The following FHIT variants were observed in gnomAD, a reference collection of about 807,000 sequenced individuals.
FHIT encodes the protein bis(5'-adenosyl)-triphosphatase.
FHIT carries 19 observed loss-of-function variants against 17.9 expected under a neutral mutation model. That is an observed-to-expected ratio of 1.06 (90% CI 0.74 to 1.56). The LOEUF (loss-of-function observed/expected upper bound fraction) is 1.56. Among genes scored for constraint, FHIT ranks in the 40% most tolerant of loss-of-function variants. The pLI, the probability that FHIT is intolerant of heterozygous loss-of-function variation, is 0.00. For synonymous variants in FHIT, 81 were observed against 69.7 expected, an observed-to-expected ratio of 1.16 and a Z score of -0.81; for missense variants, 248 against 189.2, an observed-to-expected ratio of 1.31 and a Z score of -1.82.
intron 8 of FHIT, among the ~76,000 whole-genome samples, chr3:59,795,419 A>G (rs1407942635): frequency 6.6e-6 from 1 of 151,726 alleles, no homozygotes; most frequent in Non-Finnish European, 1.5e-5. Flanking sequence ...TTTTCTTCTT[A>G]TTTTTATATA....
chr3:60,117,237 G>A lies in FHIT; in HGVS notation c.104-103085C>T, dbSNP rs146270734. Among the ~76,000 whole-genome samples, 1,429 of 152,010 alleles carry A rather than the reference G, an allele frequency of 9.4e-3. 27 individuals carry two copies. The highest frequency in any genetic ancestry group is 0.033 in the African/African-American group (1,360 of 41,420). Reference sequence around the variant, plus strand: ...CCCCGGCCTGGGAGCCCTACAAGCCGAAGACATTTAAAATGTCTGTATTTG... The same window carrying A: ...CCCCGGCCTGGGAGCCCTACAAGCCAAAGACATTTAAAATGTCTGTATTTG... On this transcript the variant is annotated intron_variant, in intron 5 of 9. Transcript: ENST00000492590.
At chr3:60,611,129 T>C (rs536763462) in intron 4 of FHIT, among the ~76,000 whole-genome samples, 1 of 152,308 alleles carries the variant, frequency 6.6e-6, no homozygotes, top group South Asian at 2.1e-4. Context: ...CATCTCATAG[T>C]TGTCTTCTCA....
chr3:60,169,781 G>T (rs1288756620), intron 5 of FHIT, among the ~76,000 whole-genome samples: 1 of 152,096 alleles, frequency 6.6e-6, no homozygotes, highest in Non-Finnish European at 1.5e-5. Flanking sequence ...GAAGAACTTG[G>T]ATCTCCGAGG....
intron 4 of FHIT, among the ~76,000 whole-genome samples, chr3:60,557,862 T>G (rs966021639): frequency 6.6e-6 from 1 of 152,122 alleles, no homozygotes; most frequent in South Asian, 2.1e-4. Context: ...CTGAGCTCTG[T>G]AATCTTAAAG....
chr3:60,976,534 A>C (rs1171684955), intron 3 of FHIT, among the ~76,000 whole-genome samples: 1 of 152,188 alleles, frequency 6.6e-6, no homozygotes, highest in Non-Finnish European at 1.5e-5. Flanking sequence ...ACATAATGTC[A>C]CAGGGTGATA....
intron 3 of FHIT, among the ~76,000 whole-genome samples, chr3:60,868,038 G>T (rs1429135535): frequency 6.6e-6 from 1 of 152,098 alleles, no homozygotes; most frequent in East Asian, 1.9e-4. Context: ...TGCTCACCAA[G>T]ACATAGCTTG....
At chr3:60,795,412 A>T (rs1286288524) in intron 4 of FHIT, among the ~76,000 whole-genome samples, 1 of 151,994 alleles carries the variant, frequency 6.6e-6, no homozygotes, top group Non-Finnish European at 1.5e-5. Flanking sequence ...TAAAAAATAC[A>T]TTCCTTGAAG....
At chr3:61,074,836 TTTC>T (rs1351902959) in intron 2 of FHIT, among the ~76,000 whole-genome samples, 3 of 152,164 alleles carry the variant, frequency 2.0e-5, no homozygotes, top group African/African-American at 7.2e-5. Context: ...AAGTAAATAA[TTTC>T]TTACTTAACC....
chr3:60,346,719 T>C (rs1203019440), intron 5 of FHIT, among the ~76,000 whole-genome samples: 6 of 152,192 alleles, frequency 3.9e-5, no homozygotes, highest in South Asian at 2.1e-4. Flanking sequence ...TCTGCAACAG[T>C]TGCAACTAAA....
At chr3:60,506,311 A>C (rs1559499467) in intron 5 of FHIT, among the ~76,000 whole-genome samples, 1 of 152,184 alleles carries the variant, frequency 6.6e-6, no homozygotes. Flanking sequence ...CTGTAGCAAC[A>C]AGTATAAAGC....
intron 4 of FHIT, among the ~76,000 whole-genome samples, chr3:60,611,547 G>A (rs2038786192): frequency 6.6e-6 from 1 of 152,126 alleles, no homozygotes; most frequent in Non-Finnish European, 1.5e-5. Flanking sequence ...TCCTTATAAA[G>A]GTATGGAAAG....
At chr3:60,163,856 C>T (rs1438501324) in intron 5 of FHIT, among the ~76,000 whole-genome samples, 1 of 152,162 alleles carries the variant, frequency 6.6e-6, no homozygotes, top group Non-Finnish European at 1.5e-5. Context: ...TTGGGAAACA[C>T]TGATCTATTG....
chr3:60,046,869 T>G (rs186623161), intron 5 of FHIT, among the ~76,000 whole-genome samples: 2 of 152,176 alleles, frequency 1.3e-5, no homozygotes, highest in African/African-American at 4.8e-5. Context: ...TTATCTGACA[T>G]AGTAAACAGC....
intron 5 of FHIT, among the ~76,000 whole-genome samples, chr3:60,531,554 A>C (rs1480009602): frequency 6.6e-6 from 1 of 152,176 alleles, no homozygotes; most frequent in South Asian, 2.1e-4. Context: ...CTGGGATTAC[A>C]GGCGTGAGCC....
At chr3:60,061,019 A>G (rs1475770548) in intron 5 of FHIT, among the ~76,000 whole-genome samples, 4 of 152,202 alleles carry the variant, frequency 2.6e-5, no homozygotes. Context: ...AAATCAAGCA[A>G]GGAGCTATTG....
intron 5 of FHIT, among the ~76,000 whole-genome samples, chr3:60,083,669 G>A (rs527996496): frequency 1.3e-5 from 2 of 152,274 alleles, no homozygotes; most frequent in South Asian, 2.1e-4. Flanking sequence ...CTAATGTCTG[G>A]AGAGTACATA....
At chr3:60,863,261 A>C (rs1553753102) in intron 3 of FHIT, among the ~76,000 whole-genome samples, 1 of 152,202 alleles carries the variant, frequency 6.6e-6, no homozygotes, top group Admixed American at 6.5e-5. Flanking sequence ...TCCTACAACC[A>C]CAAAGAACCA....
intron 3 of FHIT, among the ~76,000 whole-genome samples, chr3:60,942,157 A>G (rs1708439698): frequency 6.6e-6 from 1 of 152,156 alleles, no homozygotes. Context: ...TAATTTTTGT[A>G]TTTTTTAGTA....
At chr3:60,515,379 G>A (rs575258036) in intron 5 of FHIT, among the ~76,000 whole-genome samples, 44 of 152,158 alleles carry the variant, frequency 2.9e-4, no homozygotes, top group Non-Finnish European at 4.0e-4. Flanking sequence ...TGAAATGCAA[G>A]AAATTGAGGG....
Sources: allele counts gnomAD v4.1 joint callset (sites outside exome capture counted in the v4.1 genomes callset), GRCh38; gene constraint gnomAD v4.1.1; transcripts MANE v1.5; gene names NCBI Gene and HGNC (gene_info 2026-07-23, HGNC 2026-07-21).